COL6A3: variants seen among roughly 807,000 people sequenced by gnomAD.
The protein encoded by COL6A3 is collagen type VI alpha 3 chain, also known as collagen alpha-3(VI) chain.
A neutral mutation model predicts 274.1 loss-of-function variants in COL6A3; 137 were observed. The ratio of observed to expected loss-of-function variants is 0.50; its 90% CI spans 0.44 to 0.58. The LOEUF (loss-of-function observed/expected upper bound fraction) is 0.58, where lower values mean the gene tolerates loss of function less well. COL6A3 is among the 20% of genes least tolerant of loss of function. COL6A3 has a pLI of 0.00. For synonymous variants in COL6A3, 1,650 were observed against 1,650.6 expected, an observed-to-expected ratio of 1.00 and a Z score of 0.01; for missense variants, 3,950 against 4,124.9, an observed-to-expected ratio of 0.96 and a Z score of 1.16.
At chr2:237,380,509 G>C (rs1048968190) in intron 5 of COL6A3, among the ~76,000 whole-genome samples, 2 of 152,182 alleles carry the variant, frequency 1.3e-5, no homozygotes, top group Non-Finnish European at 2.9e-5. Flanking sequence ...TCAGACTGGG[G>C]CTGTTTAGAA....
chr2:237,346,415 G>A (rs1192332747), intron 32 of COL6A3, 88 bp downstream of exon 32: 1 of 1,128,110 alleles, frequency 8.9e-7, no homozygotes, highest in East Asian at 2.4e-5. Context: ...ATTTTCTTGT[G>A]AGCAAAGCAG....
intron 23 of COL6A3, 62 bp downstream of exon 23, chr2:237,357,276 T>C (rs2077338623): frequency 7.0e-7 from 1 of 1,424,640 alleles, no homozygotes; most frequent in South Asian, 1.1e-5. Flanking sequence ...CAGGTCATGT[T>C]GGGCAGATCT....
In COL6A3 at chr2:237,363,278, A is replaced by C. The variant is rs1275649852; in HGVS notation, c.6038T>G (p.Leu2013Trp). The C allele has an allele frequency of 3.1e-6, 5 of 1,614,012 alleles. No homozygotes were observed. The South Asian group carries it at 3.3e-5, about 11-fold the overall frequency. Residue 2013 changes from leucine (L) to tryptophan (W), a missense_variant, in exon 14 of 44, where the codon TTG (leucine) becomes TGG (tryptophan). Around this residue, in one of 5 missense-constraint regions of COL6A3, gnomAD observed 632 missense variants for 623.4 expected, o/e 1.01. Transcript: ENST00000295550. The stretch of plus-strand genomic sequence containing the variant: ...AAGCTGCTCCGCTAGTTCATAATCC[A>C]AGTCCAGCAAGTTAAGCCTCAGGGG... ...DRPLRLNLLDLDYELAEQLDN... is the reference protein window; with the variant it reads ...DRPLRLNLLDWDYELAEQLDN...
At chr2:237,375,249 G>T (rs965603493) in intron 7 of COL6A3, among the ~76,000 whole-genome samples, 1 of 152,184 alleles carries the variant, frequency 6.6e-6, no homozygotes, top group Non-Finnish European at 1.5e-5. Context: ...TATAAGAGGG[G>T]GTAAGAGGGT....
intron 1 of COL6A3, among the ~76,000 whole-genome samples, chr2:237,400,174 A>C (rs1461169662): frequency 6.6e-6 from 1 of 152,246 alleles, no homozygotes; most frequent in African/African-American, 2.4e-5. Flanking sequence ...AAGGTTAAAA[A>C]GAAGTCTGTT....
intron 4 of COL6A3, among the ~76,000 whole-genome samples, chr2:237,383,806 C>G (rs530577042): frequency 2.0e-4 from 30 of 152,066 alleles, no homozygotes; most frequent in African/African-American, 7.2e-4. Context: ...CTCCCCCTAC[C>G]ACTGCATCAC....
chr2:237,325,445 T>G, intron 43 of COL6A3, 115 bp downstream of exon 43: 1 of 1,184,304 alleles, frequency 8.4e-7, no homozygotes, highest in Non-Finnish European at 1.3e-6. Context: ...AGGATACACT[T>G]TATCTTCTTT....
chr2:237,394,511 C>T, intron 3 of COL6A3, 76 bp downstream of exon 3: 1 of 1,600,880 alleles, frequency 6.2e-7, no homozygotes, highest in South Asian at 1.1e-5. Flanking sequence ...CTAGCTGTTG[C>T]TTTAAGGCCA....
At chr2:237,376,657 C>T in intron 7 of COL6A3, 115 bp downstream of exon 7, 1 of 1,038,046 alleles carries the variant, frequency 9.6e-7, no homozygotes, top group East Asian at 2.4e-5. Flanking sequence ...TAATTTTCCA[C>T]CTTTCCTGTA....
chr2:237,341,856 AT>A (rs1475792648), intron 37 of COL6A3, among the ~76,000 whole-genome samples: 1 of 152,254 alleles, frequency 6.6e-6, no homozygotes, highest in African/African-American at 2.4e-5. Context: ...AAAATGAATT[AT>A]CCGCCATCAA....
chr2:237,382,332 G>A (rs549642807), intron 4 of COL6A3, among the ~76,000 whole-genome samples: 2 of 152,142 alleles, frequency 1.3e-5, no homozygotes, highest in South Asian at 2.1e-4. Context: ...CCAGTAAGCC[G>A]GGATTGCACC....
At position 237,351,212 on chromosome 2, in the gene COL6A3, A is replaced by G. The variant is rs749958377; in HGVS notation, c.6754-20T>C. 8 of 1,613,594 alleles carry G rather than the reference A, an allele frequency of 5.0e-6. No homozygotes were observed. In the Admixed American group the frequency reaches 1.3e-4, roughly 27 times the overall value. On this transcript the variant is annotated intron_variant, in intron 26 of 43. Transcript: ENST00000295550. ...GCTTCCCTGGAGCAGGAGGGGAGGA[A>G]TGTGTCAGTGAAGTGGCCAACCGTC...
rs746424031 is a variant in COL6A3, at chr2:237,361,824, A to G, written c.6071T>C (p.Ile2024Thr). 20 of 1,614,010 alleles carry G rather than the reference A, an allele frequency of 1.2e-5. No individual in the cohort carries two copies. The highest frequency in any genetic ancestry group is 1.7e-5 in the Non-Finnish European group (20 of 1,179,968). The change falls in exon 15 of 44, where the codon ATT becomes ACT. Residue 2024 changes from isoleucine to threonine, a missense_variant. Around this residue, in one of 5 missense-constraint regions of COL6A3, gnomAD observed 632 missense variants for 623.4 expected, o/e 1.01. Transcript: ENST00000295550. This position sits in a 1 kb window ranked among gnomAD's most constrained non-coding sequence, Gnocchi z 5.1. Reference sequence around the variant, plus strand: ...AACCCCACAGCAAGCTTTCTCGGCAATGTTGTCCTACCGAAAGGAAGAGAA... The same window carrying G: ...AACCCCACAGCAAGCTTTCTCGGCAGTGTTGTCCTACCGAAAGGAAGAGAA... ...DYELAEQLDNIAEKACCGVPC... is the reference protein window; with the variant it reads ...DYELAEQLDNTAEKACCGVPC...
At position 237,412,124 on chromosome 2, in the gene COL6A3, G is replaced by A. The variant is rs547029344; in HGVS notation, c.-31+1829C>T. Among the ~76,000 whole-genome samples the A allele has an allele frequency of 1.1e-4, 16 of 152,296 alleles. 1 individual carries two copies. Among genetic ancestry groups the A allele is most frequent in the Middle Eastern group, 3.4e-3 (1 of 294 alleles). ...CCCCTAAACAAAGAAGTCCAGACAG[G>A]CAGCTGTTCCTACATCCTGATCTTT... On this transcript the variant is annotated intron_variant, in intron 1 of 43. Coordinates refer to ENST00000295550, the MANE Select transcript of COL6A3 (RefSeq NM_004369.4).
At position 237,370,199 on chromosome 2, in the gene COL6A3, G is replaced by A. The variant is rs575963526; in HGVS notation, c.4286-1022C>T. ...CCTGACTCATTTTCTTTACATTAGC[G>A]CATTTTTAAAAATATTTAATTCTAT... On this transcript the variant is annotated intron_variant, in intron 9 of 43. Coordinates refer to ENST00000295550, the MANE Select transcript of COL6A3 (RefSeq NM_004369.4). Among the ~76,000 whole-genome samples, 19 of 146,594 alleles carry A rather than the reference G, an allele frequency of 1.3e-4. 1 individual carries two copies. In the East Asian group the frequency reaches 2.6e-3, roughly 20 times the overall value.
Position 237,353,275 on chromosome 2 carries a change from C to T in COL6A3, c.6690+66G>A, listed in dbSNP as rs547537095. On this transcript the variant is annotated intron_variant, in intron 25 of 43. Transcript: ENST00000295550. ...GTTAACTTTCCGGATATAAATGCCACCCAATCATTTTTTAAATGATTTGTG... is the reference window on the plus strand; with the variant it reads ...GTTAACTTTCCGGATATAAATGCCATCCAATCATTTTTTAAATGATTTGTG... 3.4e-6 allele frequency: 5 copies of T among 1,483,008 alleles called. No homozygotes were observed. In the African/African-American group the frequency reaches 5.5e-5, roughly 16 times the overall value. The allele number at this position is 1,483,008 out of a possible 1,614,324, so 91.9% of individuals were successfully genotyped here.
chr2:237,363,922 G>A (rs554994869), intron 13 of COL6A3, among the ~76,000 whole-genome samples: 29 of 152,180 alleles, frequency 1.9e-4, no homozygotes, highest in Non-Finnish European at 4.0e-4. Context: ...TGTTTGGTAC[G>A]TCATTGCTTA....
intron 36 of COL6A3, chr2:237,342,936 C>T (rs574096037): frequency 6.6e-6 from 1 of 152,362 alleles, no homozygotes; most frequent in South Asian, 2.1e-4. Context: ...CAATGTCTTT[C>T]GCCGACACAG....
chr2:237,388,140 T>G lies in COL6A3; in HGVS notation c.754A>C (p.Asn252His), dbSNP rs2078200103. The G allele has an allele frequency of 1.9e-6, 3 of 1,614,076 alleles. No homozygotes were observed. Among genetic ancestry groups the G allele is most frequent in the Admixed American group, 3.3e-5 (2 of 60,012 alleles). ...ACTGCGAAATTGACACTTCCGGTGT[T>G]GTTTGATCCATCAATAAGGAAAATA... ...DIIFLIDGSNNTGSVNFAVIL... is the reference protein window; with the variant it reads ...DIIFLIDGSNHTGSVNFAVIL... The change falls in exon 4 of 44, where the codon AAC becomes CAC. Residue 252 changes from asparagine (N) to histidine (H), a missense_variant. Coordinates refer to ENST00000295550, the MANE Select transcript of COL6A3 (RefSeq NM_004369.4).
Sources: allele counts gnomAD v4.1 joint callset (sites outside exome capture counted in the v4.1 genomes callset), GRCh38; gene constraint gnomAD v4.1.1; regional missense constraint gnomAD v4.1.1; non-coding constraint Gnocchi (gnomAD v3.1); transcripts MANE v1.5; gene names NCBI Gene and HGNC (gene_info 2026-07-23, HGNC 2026-07-21).